MTUS1: variants seen among roughly 807,000 people sequenced by gnomAD.
The protein encoded by MTUS1 is microtubule-associated tumor suppressor 1.
MTUS1 carries 109 observed loss-of-function variants against 120.8 expected under a neutral mutation model. That is an observed-to-expected ratio of 0.90 (90% CI 0.77 to 1.06). MTUS1 has a LOEUF of 1.06. Ranked by LOEUF, MTUS1 falls within the 50% of genes least tolerant of loss-of-function variation. The pLI is 0.00. For synonymous variants in MTUS1, 737 were observed against 550.5 expected (o/e 1.34, Z -4.74); for missense variants, 2,210 against 1,486.3 (o/e 1.49, Z -8.01).
At chr8:17,723,553 C>T in intron 4 of MTUS1, 119 bp downstream of exon 4, 1 of 1,001,036 alleles carries the variant, frequency 1.0e-6, no homozygotes, top group Non-Finnish European at 1.6e-6. Context: ...TCCAAGGAAG[C>T]AGTATGCCTA....
intron 2 of MTUS1, among the ~76,000 whole-genome samples, chr8:17,752,538 C>T (rs1468100931): frequency 6.6e-6 from 1 of 152,162 alleles, no homozygotes; most frequent in South Asian, 2.1e-4. Context: ...GTTGTTAAAG[C>T]CCAAACATGT....
chr8:17,799,876 A>C (rs2052540571), intron 1 of MTUS1, among the ~76,000 whole-genome samples: 1 of 152,152 alleles, frequency 6.6e-6, no homozygotes, highest in Non-Finnish European at 1.5e-5. Flanking sequence ...TTTGGTTTTA[A>C]GGATAAGCAT....
chr8:17,649,998 A>C lies in MTUS1; in HGVS notation c.3385-36T>G, dbSNP rs557660005. ...CACAGCAAGATACTGCTCTTATTCCACATAGTTCAAATTCTTAACAGAAAG... is the reference window on the plus strand; with the variant it reads ...CACAGCAAGATACTGCTCTTATTCCCCATAGTTCAAATTCTTAACAGAAAG... On this transcript the variant is annotated intron_variant, in intron 12 of 14. Coordinates refer to ENST00000693296, the MANE Select transcript of MTUS1 (RefSeq NM_001363059.2). 7.6e-6 allele frequency: 8 copies of C among 1,048,746 alleles called. No individual in the cohort carries two copies. In the African/African-American group the frequency reaches 1.2e-4, roughly 16 times the overall value. The allele number at this position is 1,048,746 out of a possible 1,614,324, so 65.0% of individuals were successfully genotyped here.
intron 1 of MTUS1, among the ~76,000 whole-genome samples, chr8:17,784,603 G>T (rs1008201401): frequency 6.6e-6 from 1 of 151,948 alleles, no homozygotes; most frequent in Non-Finnish European, 1.5e-5. Context: ...AGACTTTCAA[G>T]AATGAAATGA....
At chr8:17,766,067 A>C (rs2131409999) in intron 1 of MTUS1, among the ~76,000 whole-genome samples, 1 of 152,290 alleles carries the variant, frequency 6.6e-6, no homozygotes, top group East Asian at 1.9e-4. Flanking sequence ...TTAAATAAAA[A>C]AGCTTAATTG....
intron 8 of MTUS1, chr8:17,674,553 G>A: frequency 3.0e-6 from 3 of 985,936 alleles, no homozygotes; most frequent in Non-Finnish European, 3.6e-6. Flanking sequence ...AAACTGGAGG[G>A]CTGGGTGGTG....
At chr8:17,743,417 A>G (rs1276018062) in intron 3 of MTUS1, among the ~76,000 whole-genome samples, 187 bp downstream of exon 3, 1 of 152,122 alleles carries the variant, frequency 6.6e-6, no homozygotes, top group African/African-American at 2.4e-5. Context: ...TCTCTCCTCA[A>G]CTAGCCTTTG....
intron 3 of MTUS1, among the ~76,000 whole-genome samples, chr8:17,724,385 T>C (rs2046070014): frequency 6.6e-6 from 1 of 152,068 alleles, no homozygotes; most frequent in Non-Finnish European, 1.5e-5. Context: ...GAGTGGAAAA[T>C]TTTAAAATCA....
chr8:17,648,562 C>T (rs768950532), intron 13 of MTUS1, among the ~76,000 whole-genome samples: 3 of 152,196 alleles, frequency 2.0e-5, no homozygotes, highest in Non-Finnish European at 4.4e-5. Flanking sequence ...GGTATGTATA[C>T]TAGGTTGGCC....
In MTUS1 at chr8:17,654,657, A is replaced by G; in HGVS notation, c.3118T>C (p.Leu1040=). Reference sequence around the variant, plus strand: ...TTAGAGGTTTCATGCGCAGCATTTAAGTTGTCAAACTGTAAGCAACAAACA... The same window carrying G: ...TTAGAGGTTTCATGCGCAGCATTTAGGTTGTCAAACTGTAAGCAACAAACA... ...KMQLQEQFDN[L]NAAHETSKLE... Residue 1040 remains leucine, a synonymous_variant, in exon 10 of 15, where the codon TTA becomes CTA. Transcript: ENST00000693296. 1 of 1,613,514 alleles carries G rather than the reference A, an allele frequency of 6.2e-7. No homozygotes were observed. The highest frequency in any genetic ancestry group is 8.5e-7 in the Non-Finnish European group (1 of 1,179,376).
intron 14 of MTUS1, 132 bp downstream of exon 14, chr8:17,646,850 A>G: frequency 7.6e-6 from 5 of 658,910 alleles, no homozygotes. Context: ...TTCCACAGAG[A>G]AATCAATGCC....
intron 1 of MTUS1, among the ~76,000 whole-genome samples, chr8:17,797,200 C>T (rs2052312377): frequency 6.6e-6 from 1 of 151,568 alleles, no homozygotes; most frequent in Admixed American, 6.6e-5. Context: ...TTTGCTTGAG[C>T]CCAGCAGTTC....
chr8:17,716,767 G>C (rs1254628915), intron 4 of MTUS1, among the ~76,000 whole-genome samples: 1 of 152,162 alleles, frequency 6.6e-6, no homozygotes, highest in East Asian at 1.9e-4. Context: ...TGTTAGGCAG[G>C]ATGGTCTCGA....
intron 6 of MTUS1, among the ~76,000 whole-genome samples, chr8:17,700,125 T>C (rs1818744643): frequency 6.6e-6 from 1 of 152,156 alleles, no homozygotes; most frequent in Non-Finnish European, 1.5e-5. Flanking sequence ...AAGGAAATTT[T>C]AGTGCCTAAA....
At chr8:17,743,855 C>A in intron 2 of MTUS1, 56 bp from the exon 3 acceptor site, 6 of 1,478,170 alleles carry the variant, frequency 4.1e-6, no homozygotes, top group Non-Finnish European at 5.6e-6. Flanking sequence ...AGCCCCCCAA[C>A]TGACTGAATG....
In MTUS1 at chr8:17,743,723, G is replaced by C; in HGVS notation, c.2168C>G (p.Ala723Gly). 1.2e-6 allele frequency: 2 copies of C among 1,614,178 alleles called. No individual in the cohort carries two copies. The highest frequency in any genetic ancestry group is 8.5e-7 in the Non-Finnish European group (1 of 1,180,022). ...KPDSCGLRQIAAPKAKVGPPV... is the reference protein window; with the variant it reads ...KPDSCGLRQIGAPKAKVGPPV... ...GGGCCCCACTTTGGCTTTTGGAGCA[G>C]CTATTTGCCTCAAACCGCAGGAGTC... is the stretch of plus-strand genomic sequence containing the variant. The change falls in exon 3 of 15, where the codon GCT becomes GGT. Residue 723 changes from alanine to glycine, a missense_variant. Ala to Gly is a moderately conservative substitution (Grantham distance 60). Coordinates refer to ENST00000693296, the MANE Select transcript of MTUS1 (RefSeq NM_001363059.2).
At chr8:17,800,168 T>C (rs1041421649) in intron 1 of MTUS1, among the ~76,000 whole-genome samples, 2 of 152,164 alleles carry the variant, frequency 1.3e-5, no homozygotes, top group Non-Finnish European at 1.5e-5. Context: ...GCAATGACTC[T>C]CTTTTTTAAT....
chr8:17,775,372 C>T (rs188444508), intron 1 of MTUS1, among the ~76,000 whole-genome samples: 2 of 152,034 alleles, frequency 1.3e-5, no homozygotes, highest in East Asian at 1.9e-4. Context: ...GAGAAAAATA[C>T]CGTACCACCT....
intron 1 of MTUS1, among the ~76,000 whole-genome samples, chr8:17,770,821 A>G (rs1010297166): frequency 5.9e-5 from 9 of 152,224 alleles, no homozygotes; most frequent in African/African-American, 2.2e-4. Flanking sequence ...CACTTGCAAT[A>G]AAACTGTAAA....
Sources: gnomAD v4.1 joint callset for allele counts (sites outside exome capture counted in the v4.1 genomes callset) on GRCh38, gnomAD v4.1.1 for gene constraint, MANE v1.5 for transcripts, NCBI Gene and HGNC (gene_info 2026-07-23, HGNC 2026-07-21) for gene names.